Variants in PANK4 observed in about 807,000 individuals in gnomAD.
PANK4 encodes the protein 4'-phosphopantetheine phosphatase.
Under a neutral mutation model 87.9 loss-of-function variants are expected in PANK4, and 40 were observed. That is an observed-to-expected ratio of 0.46 (90% CI 0.35 to 0.59). The LOEUF (loss-of-function observed/expected upper bound fraction) is 0.59, where lower values mean the gene tolerates loss of function less well. Among genes scored for constraint, PANK4 ranks in the 20% least tolerant of loss-of-function variants. The pLI is 0.00. For missense variants in PANK4, 926 were observed against 1,072.3 expected, an observed-to-expected ratio of 0.86 and a Z score of 1.90; for synonymous variants, 524 against 467.4, an observed-to-expected ratio of 1.12 and a Z score of -1.56.
chr1:2,526,062 G>C (rs958883022), intron 1 of PANK4: 13 of 152,390 alleles, frequency 8.5e-5, no homozygotes, highest in African/African-American at 2.7e-4. Context: ...TCTCAGGCCA[G>C]CCACCAGCCA....
At position 2,519,981 on chromosome 1, in the gene PANK4, GA is replaced by G. The variant is rs767199425; in HGVS notation, c.700-28del. 2.6e-6 allele frequency: 4 copies of G among 1,524,518 alleles called. No homozygotes were observed. Among genetic ancestry groups the G allele is most frequent in the Non-Finnish European group, 3.5e-6 (4 of 1,129,914 alleles). The allele number at this position is 1,524,518 out of a possible 1,614,324, so 94.4% of individuals were successfully genotyped here. On this transcript the variant is annotated intron_variant, in intron 5 of 18. Coordinates refer to ENST00000378466, the MANE Select transcript of PANK4 (RefSeq NM_018216.4). The surrounding 1 kb of genome is among the most constrained non-coding windows in gnomAD (Gnocchi z 8.3). ...TGCAGGACACGGCGAGGGGGCGGGT[GA>G]GGCGCCAGGAGCTGCTGGAATCCCC...
chr1:2,525,395 A>T (rs1643911950), intron 1 of PANK4, among the ~76,000 whole-genome samples: 1 of 152,066 alleles, frequency 6.6e-6, no homozygotes, highest in African/African-American at 2.4e-5. Flanking sequence ...ACACACAAGC[A>T]GACTCAGCCT....
intron 13 of PANK4, chr1:2,512,664 A>T: frequency 1.8e-6 from 1 of 555,186 alleles, no homozygotes; most frequent in South Asian, 2.3e-5. Context: ...ATGCTTAAGG[A>T]AGGGGCCTCC....
chr1:2,511,143 G>A (rs1643653693), intron 15 of PANK4, among the ~76,000 whole-genome samples, 195 bp downstream of exon 15: 1 of 152,218 alleles, frequency 6.6e-6, no homozygotes, highest in Non-Finnish European at 1.5e-5. Context: ...CCTAGAGCAG[G>A]TGACCTAAGA....
intron 7 of PANK4, among the ~76,000 whole-genome samples, chr1:2,518,814 A>G (rs1311519728): frequency 6.6e-6 from 1 of 152,260 alleles, no homozygotes; most frequent in African/African-American, 2.4e-5. Flanking sequence ...TCTCCCATGC[A>G]GCGAGTCCCT....
chr1:2,519,950 A>G lies in PANK4; in HGVS notation c.704T>C (p.Phe235Ser). The G allele has an allele frequency of 6.4e-7, 1 of 1,557,392 alleles. No homozygotes were observed. Among genetic ancestry groups the G allele is most frequent in the Admixed American group, 1.9e-5 (1 of 52,274 alleles). Residue 235 changes from phenylalanine (F) to serine (S), a missense_variant, in exon 6 of 19, where the codon TTT (phenylalanine) becomes TCT (serine). Phe to Ser is a radical substitution (Grantham distance 155). Coordinates refer to ENST00000378466, the MANE Select transcript of PANK4 (RefSeq NM_018216.4). This position sits in a 1 kb window ranked among gnomAD's most constrained non-coding sequence, Gnocchi z 8.3. ...CGAGGCCAGGTGCAGGAGCTCGTCA[A>G]ACTTCTGCAGGACACGGCGAGGGGG... ...LGALLTKTKK[F>S]DELLHLASRG...
Position 2,508,647 on chromosome 1 carries a change from TTAAA to T in PANK4, c.*196_*199del, listed in dbSNP as rs1643607918. On this transcript the variant is annotated 3_prime_UTR_variant, in exon 19 of 19. Transcript: ENST00000378466. The surrounding 1 kb of genome is among the most constrained non-coding windows in gnomAD (Gnocchi z 5.1). ...ATATATATAAAAGGTTCTTTAGCAG[TTAAA>T]TAGATTCCAATATGAACGTCTCCCA... is the stretch of plus-strand genomic sequence containing the variant. 1 of 485,000 alleles carries T rather than the reference TTAAA, an allele frequency of 2.1e-6. No homozygotes were observed. The highest frequency in any genetic ancestry group is 3.6e-6 in the Non-Finnish European group (1 of 275,356). The allele number at this position is 485,000 out of a possible 1,614,324, so 30.0% of individuals were successfully genotyped here.
intron 1 of PANK4, among the ~76,000 whole-genome samples, chr1:2,525,447 G>A (rs1643912592): frequency 6.6e-6 from 1 of 152,070 alleles, no homozygotes. Context: ...ATGTGAAGCC[G>A]CAGCGGCTAT....
Position 2,521,439 on chromosome 1 carries a change from A to G in PANK4, c.208-124T>C, listed in dbSNP as rs1643874566. 4.7e-6 allele frequency: 4 copies of G among 851,782 alleles called. No individual in the cohort carries two copies. The South Asian group carries it at 5.7e-5, about 12-fold the overall frequency. The allele number at this position is 851,782 out of a possible 1,614,324, so 52.8% of individuals were successfully genotyped here. A position where few individuals can be genotyped will look rare whatever the true frequency, so the allele number is the denominator to read the frequency against. On this transcript the variant is annotated intron_variant, in intron 2 of 18. Coordinates refer to ENST00000378466, the MANE Select transcript of PANK4 (RefSeq NM_018216.4). The stretch of plus-strand genomic sequence containing the variant: ...CTTCAACCAGGCGGCGCTCTGAGGC[A>G]GAATCCTGGGCAAGAGGGAGGAGCC...
At chr1:2,521,467 GGACCGTGGC>G in intron 2 of PANK4, 152 bp from the exon 3 acceptor site, 4 of 743,970 alleles carry the variant, frequency 5.4e-6, no homozygotes, top group Non-Finnish European at 9.2e-6. Context: ...GAGGAGCCTA[GGACCGTGGC>G]GACCTCAGGG....
intron 7 of PANK4, 33 bp from the exon 8 acceptor site, chr1:2,518,630 GC>G (rs1237395923): frequency 2.0e-6 from 3 of 1,527,080 alleles, no homozygotes; most frequent in Non-Finnish European, 2.7e-6. Context: ...GCTGCTGTTG[GC>G]CCCACACAAC....
intron 9 of PANK4, among the ~76,000 whole-genome samples, chr1:2,516,088 C>G (rs1643768790): frequency 6.6e-6 from 1 of 151,770 alleles, no homozygotes; most frequent in African/African-American, 2.4e-5. Flanking sequence ...TCACCCCTCC[C>G]TGTCACCCCT....
chr1:2,521,124 G>A lies in PANK4; in HGVS notation c.399C>T (p.Leu133=), dbSNP rs751500376. ...ACTTCAGCCGCAGCTTCTCTTCGAT[G>A]AGGTCTTTGAACTTGTAGGCCCCGC... ...TGGGAYKFKD[L]IEEKLRLKVD... The change falls in exon 3 of 19, where the codon CTC becomes CTT. Residue 133 remains leucine (L), a synonymous_variant. Coordinates refer to ENST00000378466, the MANE Select transcript of PANK4 (RefSeq NM_018216.4). 1.2e-6 allele frequency: 2 copies of A among 1,613,520 alleles called. No individual in the cohort carries two copies. Among genetic ancestry groups the A allele is most frequent in the Non-Finnish European group, 1.7e-6 (2 of 1,179,692 alleles).
At chr1:2,524,895 C>T (rs1364584430) in intron 1 of PANK4, among the ~76,000 whole-genome samples, 2 of 152,126 alleles carry the variant, frequency 1.3e-5, no homozygotes, top group Non-Finnish European at 2.9e-5. Flanking sequence ...GTGAGGCCTG[C>T]GGTAGACAAT....
rs758647509 is a variant in PANK4, at chr1:2,508,812, A to T, written c.*35T>A. ...TGGTGGTAAAAACACATTCCTGACA[A>T]GTGACAAGCAGAAGAGTCCGGCAGC... is the stretch of plus-strand genomic sequence containing the variant. On this transcript the variant is annotated 3_prime_UTR_variant, in exon 19 of 19. Transcript: ENST00000378466. This position sits in a 1 kb window ranked among gnomAD's most constrained non-coding sequence, Gnocchi z 5.1. 4 of 1,267,298 alleles carry T rather than the reference A, an allele frequency of 3.2e-6. No individual in the cohort carries two copies. Among genetic ancestry groups the T allele is most frequent in the Non-Finnish European group, 3.4e-6 (3 of 881,360 alleles). The allele number at this position is 1,267,298 out of a possible 1,614,324, so 78.5% of individuals were successfully genotyped here.
Position 2,510,918 on chromosome 1 carries a change from G to A in PANK4, c.1834-136C>T. 3.1e-6 allele frequency: 2 copies of A among 640,488 alleles called. No homozygotes were observed. The highest frequency in any genetic ancestry group is 3.7e-4 in the Middle Eastern group (1 of 2,674). 39.7% of individuals were successfully genotyped at this position (640,488 alleles called of 1,614,324 possible). On this transcript the variant is annotated intron_variant, in intron 15 of 18. Coordinates refer to ENST00000378466, the MANE Select transcript of PANK4 (RefSeq NM_018216.4). The surrounding 1 kb of genome is among the most constrained non-coding windows in gnomAD (Gnocchi z 4.9). ...AGGGCCCCAGAGATGCCAGGGATGG[G>A]CTGTCCTGCAGGGGCCGAGACCAGG...
rs1235876688 is a variant in PANK4 at position 2,510,169 on chromosome 1, G to A, written c.1939-12C>T. ...CACGCCAGGATGACCTGCAGGAGGAGGGCCCAGGCTCTTTAGGAACCTGTG... is the reference window on the plus strand; with the variant it reads ...CACGCCAGGATGACCTGCAGGAGGAAGGCCCAGGCTCTTTAGGAACCTGTG... On this transcript the variant is annotated splice_polypyrimidine_tract_variant and intron_variant, in intron 16 of 18. Transcript: ENST00000378466. The surrounding 1 kb of genome is among the most constrained non-coding windows in gnomAD (Gnocchi z 4.9). The A allele has an allele frequency of 6.4e-7, 1 of 1,555,468 alleles. No individual in the cohort carries two copies. The highest frequency in any genetic ancestry group is 1.1e-5 in the South Asian group (1 of 87,022).
rs12723200 is a variant in PANK4, at chr1:2,519,037, C to T, written c.1035+106G>A. 284 of 1,098,744 alleles carry T rather than the reference C, an allele frequency of 2.6e-4. 1 individual carries two copies. The highest frequency in any genetic ancestry group is 1.7e-3 in the Middle Eastern group (6 of 3,624). 68.1% of individuals were successfully genotyped at this position (1,098,744 alleles called of 1,614,324 possible). On this transcript the variant is annotated intron_variant, in intron 7 of 18. Coordinates refer to ENST00000378466, the MANE Select transcript of PANK4 (RefSeq NM_018216.4). The surrounding 1 kb of genome is among the most constrained non-coding windows in gnomAD (Gnocchi z 8.3). Reference sequence around the variant, plus strand: ...GGGGTGCTGGGCTTCTTGGCCCCCACCCTCCAGGCCTCCCTGGGGGTGCTG... The same window carrying T: ...GGGGTGCTGGGCTTCTTGGCCCCCATCCTCCAGGCCTCCCTGGGGGTGCTG...
chr1:2,524,528 C>T (rs1319226838), intron 1 of PANK4, among the ~76,000 whole-genome samples: 1 of 152,200 alleles, frequency 6.6e-6, no homozygotes, highest in Non-Finnish European at 1.5e-5. Flanking sequence ...AATACCAGCA[C>T]TAAACAGACC....
Sources: gnomAD v4.1 joint callset for allele counts (sites outside exome capture counted in the v4.1 genomes callset) on GRCh38, gnomAD v4.1.1 for gene constraint, Gnocchi (gnomAD v3.1) non-coding constraint, MANE v1.5 for transcripts, NCBI Gene and HGNC (gene_info 2026-07-23, HGNC 2026-07-21) for gene names.